The following CPED1 variants were observed in gnomAD, a reference collection of about 807,000 sequenced individuals.
CPED1 encodes the protein cadherin like and PC-esterase domain containing 1, also known as cadherin-like and PC-esterase domain-containing protein 1.
A neutral mutation model predicts 128.2 loss-of-function variants in CPED1; 114 were observed. That is an observed-to-expected ratio of 0.89 (90% CI 0.76 to 1.04). The LOEUF is 1.04. Among genes scored for constraint, CPED1 ranks in the 50% least tolerant of loss-of-function variants. The pLI, the probability that CPED1 is intolerant of heterozygous loss-of-function variation, is 0.00. For missense variants in CPED1, 1,211 were observed against 1,207.1 expected, an observed-to-expected ratio of 1.00 and a Z score of -0.05; for synonymous variants, 462 against 426.7, an observed-to-expected ratio of 1.08 and a Z score of -1.02.
At chr7:121,037,865 T>C (rs945947869) in intron 3 of CPED1, among the ~76,000 whole-genome samples, 5 of 152,178 alleles carry the variant, frequency 3.3e-5, no homozygotes, top group African/African-American at 9.6e-5. Context: ...CTTGATTAGG[T>C]ATATCCCTGA....
intron 11 of CPED1, among the ~76,000 whole-genome samples, chr7:121,129,287 G>GTATATATATATATATATACGTA (rs1795589306): frequency 3.8e-5 from 2 of 52,028 alleles, no homozygotes; most frequent in African/African-American, 1.1e-4. Context: ...GTGTATATAT[G>GTATATATATATATATATACGTA]TATATATATA....
At chr7:121,260,126 C>A (rs2116731974) in intron 18 of CPED1, among the ~76,000 whole-genome samples, 1 of 150,210 alleles carries the variant, frequency 6.7e-6, no homozygotes, top group African/African-American at 2.4e-5. Flanking sequence ...ATAAATACTA[C>A]AACAATCCAG....
At chr7:121,091,000 C>A (rs1345589381) in intron 5 of CPED1, among the ~76,000 whole-genome samples, 1 of 151,604 alleles carries the variant, frequency 6.6e-6, no homozygotes, top group Non-Finnish European at 1.5e-5. Flanking sequence ...GTATACAGAT[C>A]CCCAAATTAT....
Position 121,073,195 on chromosome 7 carries a change from A to C in CPED1, c.616+8882A>C, listed in dbSNP as rs190785109. The stretch of plus-strand genomic sequence containing the variant: ...TATTATATACTGTATTTTTATAATA[A>C]AATAAGCTAGAGAAAACAATATGTT... On this transcript the variant is annotated intron_variant, in intron 5 of 22. Coordinates refer to ENST00000310396, the MANE Select transcript of CPED1 (RefSeq NM_024913.5). Among the ~76,000 whole-genome samples, 65 of 152,342 alleles carry C rather than the reference A, an allele frequency of 4.3e-4. No homozygotes were observed. In the East Asian group the frequency reaches 0.012, roughly 28 times the overall value.
At chr7:121,293,290 GT>G (rs1161273114) in intron 22 of CPED1, among the ~76,000 whole-genome samples, 1 of 152,176 alleles carries the variant, frequency 6.6e-6, no homozygotes, top group African/African-American at 2.4e-5. Flanking sequence ...ATTCCCAGCG[GT>G]TTTGTTTACA....
rs761423033 is a variant in CPED1, at chr7:121,097,719, C to T, written c.637C>T (p.Pro213Ser). ...RFPELQLPVS[P>S]SVCLDQGMQL... is the part of the protein sequence containing the mutation. Reference sequence around the variant, plus strand: ...TTCAGAACTGCAACTTCCAGTGAGTCCCTCTGTGTGTCTGGATCAGGGAAT... The same window carrying T: ...TTCAGAACTGCAACTTCCAGTGAGTTCCTCTGTGTGTCTGGATCAGGGAAT... The change falls in exon 6 of 23, where the codon CCC (proline) becomes TCC (serine). Residue 213 changes from proline to serine, a missense_variant. Coordinates refer to ENST00000310396, the MANE Select transcript of CPED1 (RefSeq NM_024913.5). 15 of 1,613,762 alleles carry T rather than the reference C, an allele frequency of 9.3e-6. No homozygotes were observed. The South Asian group carries it at 1.5e-4, about 17-fold the overall frequency.
intron 18 of CPED1, chr7:121,261,509 C>T (rs1197564411): frequency 2.9e-6 from 4 of 1,383,266 alleles, no homozygotes; most frequent in Non-Finnish European, 4.0e-6. Context: ...TCAGTGTCTC[C>T]TGACATTAGG....
At chr7:121,261,728 A>G (rs1792023296) in intron 18 of CPED1, 4 of 1,595,686 alleles carry the variant, frequency 2.5e-6, no homozygotes, top group Admixed American at 3.5e-5. Flanking sequence ...CCACCCCTGC[A>G]CATAAACCTG....
intron 16 of CPED1, among the ~76,000 whole-genome samples, chr7:121,199,920 T>G (rs1360218114): frequency 6.6e-6 from 1 of 152,046 alleles, no homozygotes; most frequent in Non-Finnish European, 1.5e-5. Context: ...ATAATCAGTA[T>G]AAAAATTACT....
intron 6 of CPED1, 97 bp from the exon 7 acceptor site, chr7:121,099,829 A>C: frequency 7.7e-7 from 1 of 1,299,510 alleles, no homozygotes; most frequent in Non-Finnish European, 1.1e-6. Flanking sequence ...GCGTCCTACA[A>C]AGGATAGAAG....
intron 18 of CPED1, among the ~76,000 whole-genome samples, chr7:121,248,427 C>A (rs112125769): frequency 9.5e-4 from 145 of 152,232 alleles, no homozygotes; most frequent in African/African-American, 3.2e-3. Flanking sequence ...GAGGTGACCT[C>A]TCTCCCCACC....
intron 18 of CPED1, chr7:121,261,603 C>T (rs1197952448): frequency 1.2e-6 from 2 of 1,602,680 alleles, no homozygotes; most frequent in East Asian, 2.3e-5. Context: ...CCATAGAAAA[C>T]CTGACAGCTT....
chr7:120,994,624 A>ATTGTGTGTGT (rs1291537548), intron 2 of CPED1, among the ~76,000 whole-genome samples: 1 of 62,042 alleles, frequency 1.6e-5, no homozygotes, highest in Non-Finnish European at 3.3e-5. Flanking sequence ...TATTTGTTAT[A>ATTGTGTGTGT]CTGTGTGTGT....
intron 16 of CPED1, among the ~76,000 whole-genome samples, chr7:121,179,621 A>G (rs906234574): frequency 9.2e-5 from 14 of 151,970 alleles, no homozygotes; most frequent in Admixed American, 7.2e-4. Flanking sequence ...TTGATTTTCT[A>G]TTGTTTACAT....
At chr7:121,009,383 T>C (rs1792103571) in intron 2 of CPED1, among the ~76,000 whole-genome samples, 1 of 152,026 alleles carries the variant, frequency 6.6e-6, no homozygotes, top group South Asian at 2.1e-4. Context: ...GCAGATGGAC[T>C]GCTTGAGCCC....
chr7:121,043,634 G>T lies in CPED1; in HGVS notation c.434-3253G>T, dbSNP rs140366654. ...GGATGGTGTGCTGCTACCAGAGACA[G>T]AGCCCAAGCAGAGTTAGGGCCAGGT... is the stretch of plus-strand genomic sequence containing the variant. On this transcript the variant is annotated intron_variant, in intron 3 of 22. Transcript: ENST00000310396. Among the ~76,000 whole-genome samples the T allele has an allele frequency of 1.9e-3, 285 of 152,218 alleles. 1 individual carries two copies. The highest frequency in any genetic ancestry group is 6.5e-3 in the African/African-American group (271 of 41,528).
chr7:121,049,397 A>C (rs567109354), intron 4 of CPED1, among the ~76,000 whole-genome samples: 2 of 152,344 alleles, frequency 1.3e-5, no homozygotes, highest in South Asian at 4.1e-4. Context: ...ACAGACCTGC[A>C]GAGAGGGAGC....
chr7:121,100,169 C>A, intron 7 of CPED1, 75 bp downstream of exon 7: 1 of 1,349,070 alleles, frequency 7.4e-7, no homozygotes, highest in Admixed American at 2.0e-5. Context: ...CTGCCATTTT[C>A]CCACCTTTAT....
chr7:121,210,553 C>A (rs1797620712), intron 16 of CPED1, among the ~76,000 whole-genome samples: 1 of 151,888 alleles, frequency 6.6e-6, no homozygotes, highest in Admixed American at 6.6e-5. Context: ...ATAAACCAAG[C>A]ACAGAAAGAC....
Sources: gnomAD v4.1 joint callset for allele counts (sites outside exome capture counted in the v4.1 genomes callset) on GRCh38, gnomAD v4.1.1 for gene constraint, MANE v1.5 for transcripts, NCBI Gene and HGNC (gene_info 2026-07-23, HGNC 2026-07-21) for gene names.